The following MAPKAP1 variants were observed in gnomAD, a reference collection of about 807,000 sequenced individuals.
MAPKAP1 encodes target of rapamycin complex 2 subunit MAPKAP1.
MAPKAP1 carries 20 observed loss-of-function variants against 65.7 expected under a neutral mutation model. The observed-to-expected ratio is 0.30, with a 90% CI of 0.21 to 0.44. The LOEUF is 0.44. MAPKAP1 is among the 20% of genes least tolerant of loss of function. The pLI, the probability that MAPKAP1 is intolerant of heterozygous loss-of-function variation, is 1.00. For synonymous variants in MAPKAP1, 222 were observed against 244.3 expected (o/e 0.91, Z 0.85); for missense variants, 423 against 648.0 (o/e 0.65, Z 3.77).
intron 8 of MAPKAP1, 37 bp downstream of exon 8, chr9:125,506,273 C>A (rs900470028): frequency 6.4e-7 from 1 of 1,554,546 alleles, no homozygotes; most frequent in Non-Finnish European, 8.9e-7. Context: ...AAGTTTGCAA[C>A]GGACAAAGCG....
In MAPKAP1 at chr9:125,492,338, C is replaced by T. The variant is rs185619141; in HGVS notation, c.1067-7755G>A. On this transcript the variant is annotated intron_variant, in intron 8 of 11. Coordinates refer to ENST00000265960, the MANE Select transcript of MAPKAP1 (RefSeq NM_001006617.3). ...TTATAATGCCATGTTTTCATTGCCCCTGATATCTATTTGGACAATAATAAT... is the reference window on the plus strand; with the variant it reads ...TTATAATGCCATGTTTTCATTGCCCTTGATATCTATTTGGACAATAATAAT... Among the ~76,000 whole-genome samples, 632 of 152,288 alleles carry T rather than the reference C, an allele frequency of 4.2e-3. 6 individuals carry two copies. Among genetic ancestry groups the T allele is most frequent in the African/African-American group, 0.015 (606 of 41,562 alleles).
chr9:125,621,083 G>A (rs1832884111), intron 4 of MAPKAP1, among the ~76,000 whole-genome samples: 1 of 151,992 alleles, frequency 6.6e-6, no homozygotes, highest in African/African-American at 2.4e-5. Context: ...ACCAGCCTGG[G>A]CAATATGGTA....
At chr9:125,477,114 T>C (rs765492707) in intron 9 of MAPKAP1, among the ~76,000 whole-genome samples, 7 of 152,220 alleles carry the variant, frequency 4.6e-5, no homozygotes, top group Admixed American at 1.3e-4. Context: ...ATGGAACCTT[T>C]TGGTAGAAGT....
intron 9 of MAPKAP1, among the ~76,000 whole-genome samples, chr9:125,483,153 T>C (rs1476300145): frequency 1.3e-5 from 2 of 152,174 alleles, no homozygotes; most frequent in Non-Finnish European, 2.9e-5. Flanking sequence ...GTGCTTTACA[T>C]GTGGGATTTC....
chr9:125,467,420 C>T (rs1853719118), intron 10 of MAPKAP1, among the ~76,000 whole-genome samples: 1 of 152,180 alleles, frequency 6.6e-6, no homozygotes. Context: ...GAATGCCAAC[C>T]CAGCAGAGAT....
At chr9:125,459,420 G>A (rs376752073) in intron 10 of MAPKAP1, among the ~76,000 whole-genome samples, 5,133 of 151,418 alleles carry the variant, frequency 0.034, 32 homozygotes, top group South Asian at 0.052. Flanking sequence ...GGTGGCGGCC[G>A]GGCAGAGGCT....
chr9:125,639,407 T>C (rs1343992884), intron 4 of MAPKAP1, among the ~76,000 whole-genome samples: 1 of 152,226 alleles, frequency 6.6e-6, no homozygotes, highest in African/African-American at 2.4e-5. Context: ...TCATCTCTCC[T>C]CACAAGGCTG....
intron 1 of MAPKAP1, among the ~76,000 whole-genome samples, chr9:125,679,826 G>A (rs952724973): frequency 3.3e-5 from 5 of 152,042 alleles, no homozygotes; most frequent in Non-Finnish European, 5.9e-5. Context: ...AACACTACCC[G>A]CTCACTTCCC....
chr9:125,563,023 T>C (rs1481599451), intron 5 of MAPKAP1, among the ~76,000 whole-genome samples: 1 of 152,132 alleles, frequency 6.6e-6, no homozygotes, highest in Admixed American at 6.5e-5. Flanking sequence ...ATATTACTTA[T>C]AAAAAGTTAG....
chr9:125,560,770 G>A (rs1301980495), intron 5 of MAPKAP1, among the ~76,000 whole-genome samples: 1 of 152,124 alleles, frequency 6.6e-6, no homozygotes, highest in African/African-American at 2.4e-5. Flanking sequence ...GATTAGTCCT[G>A]ACACAGATAC....
intron 4 of MAPKAP1, among the ~76,000 whole-genome samples, chr9:125,600,864 T>C (rs1832280340): frequency 6.6e-6 from 1 of 152,166 alleles, no homozygotes; most frequent in African/African-American, 2.4e-5. Flanking sequence ...TGCATTTAAC[T>C]ATACAAACAA....
chr9:125,512,511 C>T (rs188527966), intron 7 of MAPKAP1, among the ~76,000 whole-genome samples: 1 of 152,236 alleles, frequency 6.6e-6, no homozygotes, highest in East Asian at 1.9e-4. Flanking sequence ...CCTGGGGACT[C>T]GTAAACTTGT....
chr9:125,651,131 G>A lies in MAPKAP1; in HGVS notation c.498+6520C>T, dbSNP rs112504390. ...ACAGGCATGAGCCACTGTGCCCGGC[G>A]ATCCTTCTATACTATATACCAGAAT... On this transcript the variant is annotated intron_variant, in intron 4 of 11. Transcript: ENST00000265960. Among the ~76,000 whole-genome samples the A allele has an allele frequency of 5.6e-3, 847 of 152,100 alleles. 4 individuals carry two copies. The highest frequency in any genetic ancestry group is 8.4e-3 in the Non-Finnish European group (574 of 67,982).
chr9:125,515,043 C>T (rs1829420797), intron 7 of MAPKAP1, among the ~76,000 whole-genome samples: 1 of 152,148 alleles, frequency 6.6e-6, no homozygotes, highest in Admixed American at 6.5e-5. Context: ...AAGTGACAAC[C>T]GCTGTAGCTT....
At chr9:125,645,244 C>T (rs1370248937) in intron 4 of MAPKAP1, among the ~76,000 whole-genome samples, 3 of 152,144 alleles carry the variant, frequency 2.0e-5, no homozygotes. Flanking sequence ...GAGGCAAACC[C>T]CAACCCCAGC....
At chr9:125,569,904 T>C (rs1445544936) in intron 5 of MAPKAP1, among the ~76,000 whole-genome samples, 2 of 152,212 alleles carry the variant, frequency 1.3e-5, no homozygotes, top group African/African-American at 4.8e-5. Context: ...CTGTAATGCC[T>C]TTTGGTTCAT....
At chr9:125,650,784 G>A (rs576145586) in intron 4 of MAPKAP1, among the ~76,000 whole-genome samples, 1 of 152,306 alleles carries the variant, frequency 6.6e-6, no homozygotes, top group South Asian at 2.1e-4. Context: ...TAACTTCTAT[G>A]AGAAGTAGAA....
chr9:125,613,025 A>C (rs1352363921), intron 4 of MAPKAP1, among the ~76,000 whole-genome samples: 3 of 152,224 alleles, frequency 2.0e-5, no homozygotes, highest in Non-Finnish European at 4.4e-5. Context: ...CATACCATTT[A>C]AGACCTAGAC....
chr9:125,684,356 C>T (rs1212662037), intron 1 of MAPKAP1, among the ~76,000 whole-genome samples: 11 of 152,018 alleles, frequency 7.2e-5, no homozygotes, highest in East Asian at 1.9e-4. Context: ...ATGCCAGTGA[C>T]GCTAGTAAAC....
Sources: allele counts gnomAD v4.1 joint callset (sites outside exome capture counted in the v4.1 genomes callset), GRCh38; gene constraint gnomAD v4.1.1; transcripts MANE v1.5; gene names NCBI Gene and HGNC (gene_info 2026-07-23, HGNC 2026-07-21).